The following CHST15 variants were observed in gnomAD, a reference collection of about 807,000 sequenced individuals.
CHST15 encodes B cell RAG associated protein (GALNAC4S-6ST).
CHST15 carries 30 observed loss-of-function variants against 53.6 expected under a neutral mutation model. The ratio of observed to expected loss-of-function variants is 0.56; its 90% CI spans 0.42 to 0.76. The LOEUF is 0.76. Among genes scored for constraint, CHST15 ranks in the 30% least tolerant of loss-of-function variants. CHST15 has a pLI of 0.00. For synonymous variants in CHST15, 296 were observed against 289.8 expected (o/e 1.02, Z -0.22); for missense variants, 627 against 740.5 (o/e 0.85, Z 1.78).
At position 124,044,926 on chromosome 10, in the gene CHST15, G is replaced by A; in HGVS notation, c.547-7C>T. On this transcript the variant is annotated splice_polypyrimidine_tract_variant and splice_region_variant and intron_variant, in intron 2 of 7. Transcript: ENST00000435907. ...TGGGGATGACTGAAAACATCTGCAA[G>A]GAAACAGAGGAGGAGAGACACAGAG... The A allele has an allele frequency of 7.0e-7, 1 of 1,434,302 alleles. No homozygotes were observed. Among genetic ancestry groups the A allele is most frequent in the Non-Finnish European group, 9.2e-7 (1 of 1,089,156 alleles). 88.8% of individuals were successfully genotyped at this position (1,434,302 alleles called of 1,614,324 possible). A position where few individuals can be genotyped will look rare whatever the true frequency, so the allele number is the denominator to read the frequency against.
intron 1 of CHST15, among the ~76,000 whole-genome samples, chr10:124,066,274 G>C (rs546258790): frequency 5.9e-5 from 9 of 152,150 alleles, no homozygotes; most frequent in Non-Finnish European, 1.3e-4. Flanking sequence ...GGGGAAGGGG[G>C]AGGAGGCTGA....
In CHST15 at chr10:124,019,244, G is replaced by A. The variant is rs758989802; in HGVS notation, c.1347+2012C>T. ...AGAAACCACAACCCCACCTTGAGGC[G>A]TCATGCCAGCGCCCCTTTCCTCCTG... On this transcript the variant is annotated intron_variant, in intron 6 of 7. Transcript: ENST00000435907. The surrounding 1 kb of genome is among the most constrained non-coding windows in gnomAD (Gnocchi z 4.6). Among the ~76,000 whole-genome samples the A allele has an allele frequency of 6.6e-5, 10 of 152,196 alleles. No individual in the cohort carries two copies. The East Asian group carries it at 7.7e-4, about 12-fold the overall frequency.
chr10:124,058,465 A>G (rs2134083863), intron 1 of CHST15, among the ~76,000 whole-genome samples: 1 of 152,344 alleles, frequency 6.6e-6, no homozygotes, highest in South Asian at 2.1e-4. Context: ...CCTGAGTCAC[A>G]GGACTCACCA....
chr10:124,063,256 A>G (rs1277235113), intron 1 of CHST15, among the ~76,000 whole-genome samples: 3 of 151,894 alleles, frequency 2.0e-5, no homozygotes, highest in African/African-American at 7.3e-5. Flanking sequence ...GGTGGCAGGC[A>G]CCTGTAATCC....
At chr10:124,073,999 G>C (rs1402051035) in intron 1 of CHST15, among the ~76,000 whole-genome samples, 3 of 152,132 alleles carry the variant, frequency 2.0e-5, no homozygotes, top group African/African-American at 4.8e-5. Context: ...GCAACCTACG[G>C]GCTAGGCACA....
chr10:124,012,826 T>C (rs1453665757), intron 6 of CHST15, among the ~76,000 whole-genome samples: 1 of 152,178 alleles, frequency 6.6e-6, no homozygotes, highest in African/African-American at 2.4e-5. Context: ...GCTGTTTCTC[T>C]GTTCCCAGTG....
rs566216724 is a variant in CHST15 at position 124,063,243 on chromosome 10, C to T, written c.-512-16519G>A. On this transcript the variant is annotated intron_variant, in intron 1 of 7. Transcript: ENST00000435907. Reference sequence around the variant, plus strand: ...ACTAAAAATACAAAAATTAGCCGGGCGTGGTGGCAGGCACCTGTAATCCCA... The same window carrying T: ...ACTAAAAATACAAAAATTAGCCGGGTGTGGTGGCAGGCACCTGTAATCCCA... Among the ~76,000 whole-genome samples, 5 of 152,152 alleles carry T rather than the reference C, an allele frequency of 3.3e-5. No homozygotes were observed. The South Asian group carries it at 8.3e-4, about 25-fold the overall frequency.
chr10:124,016,790 A>C (rs1390251564), intron 6 of CHST15, among the ~76,000 whole-genome samples: 1 of 152,150 alleles, frequency 6.6e-6, no homozygotes, highest in African/African-American at 2.4e-5. Flanking sequence ...AGGGCTTGGG[A>C]CAGGGGCTGG....
intron 5 of CHST15, among the ~76,000 whole-genome samples, chr10:124,034,847 C>CCCCTAACAGGGACCCTGGCTCTACT (rs1317414784): frequency 1.4e-5 from 2 of 143,634 alleles, no homozygotes; most frequent in Non-Finnish European, 3.0e-5. Flanking sequence ...CCTGGTTCTA[C>CCCCTAACAGGGACCCTGGCTCTACT]CCCTAACAGG....
rs527604953 is a variant in CHST15 at position 124,043,465 on chromosome 10, C to T, written c.887-1018G>A. Among the ~76,000 whole-genome samples the T allele has an allele frequency of 3.3e-5, 5 of 152,346 alleles. No individual in the cohort carries two copies. In the South Asian group the frequency reaches 6.2e-4, roughly 19 times the overall value. ...GAAAGCAAACGTTTGTCAGGAAACA[C>T]ATTAAGAGTTGGTCTAGGGAAAACT... On this transcript the variant is annotated intron_variant, in intron 3 of 7. Transcript: ENST00000435907.
intron 6 of CHST15, chr10:124,020,242 A>G: frequency 1.0e-6 from 1 of 985,520 alleles, no homozygotes; most frequent in Non-Finnish European, 1.2e-6. Context: ...AAAGCAACTG[A>G]GTCTCAGAAA....
chr10:124,042,541 C>T, intron 3 of CHST15, 94 bp from the exon 4 acceptor site: 1 of 1,410,520 alleles, frequency 7.1e-7, no homozygotes, highest in Non-Finnish European at 9.7e-7. Context: ...GATGGAAAGG[C>T]CTAAAGGGCC....
In CHST15 at chr10:124,008,229, G is replaced by A. The variant is rs1946320907; in HGVS notation, c.*1920C>T. On this transcript the variant is annotated 3_prime_UTR_variant, in exon 8 of 8. Transcript: ENST00000435907. ...GAATAGTAAAATATGTACTGAAAAT[G>A]ACAAGTTAATTGGCAGAGAAATTAA... 2 of 1,221,424 alleles carry A rather than the reference G, an allele frequency of 1.6e-6. No homozygotes were observed. Among genetic ancestry groups the A allele is most frequent in the South Asian group, 8.5e-5 (2 of 23,410 alleles). 75.7% of individuals were successfully genotyped at this position (1,221,424 alleles called of 1,614,324 possible). A position where few individuals can be genotyped will look rare whatever the true frequency, so the allele number is the denominator to read the frequency against.
Position 124,042,314 on chromosome 10 carries a change from A to C in CHST15, c.1020T>G (p.Asn340Lys), listed in dbSNP as rs1311546649. ...ASSAKEQSKM[N>K]TIIIGEASAS... Reference sequence around the variant, plus strand: ...CAGACGCCTTACCGATAATGATTGTATTCATCTTGCTCTGCTCCTTTGCAG... The same window carrying C: ...CAGACGCCTTACCGATAATGATTGTCTTCATCTTGCTCTGCTCCTTTGCAG... The change falls in exon 4 of 8, where the codon AAT (asparagine) becomes AAG (lysine). Residue 340 changes from asparagine to lysine, a missense_variant. Around this residue, in one of 3 missense-constraint regions of CHST15, gnomAD observed 279 missense variants for 371.6 expected, o/e 0.75. Coordinates refer to ENST00000435907, the MANE Select transcript of CHST15 (RefSeq NM_001270764.2). 6.2e-7 allele frequency: 1 copy of C among 1,612,392 alleles called. No individual in the cohort carries two copies. The highest frequency in any genetic ancestry group is 8.5e-7 in the Non-Finnish European group (1 of 1,178,596).
rs550560103 is a variant in CHST15 at position 124,036,865 on chromosome 10, G to A, written c.1190+1650C>T. Among the ~76,000 whole-genome samples the A allele has an allele frequency of 2.7e-4, 41 of 152,300 alleles. No individual in the cohort carries two copies. Among genetic ancestry groups the A allele is most frequent in the African/African-American group, 7.5e-4 (31 of 41,572 alleles). On this transcript the variant is annotated intron_variant, in intron 5 of 7. Coordinates refer to ENST00000435907, the MANE Select transcript of CHST15 (RefSeq NM_001270764.2). The surrounding 1 kb of genome is among the most constrained non-coding windows in gnomAD (Gnocchi z 5.1). Reference sequence around the variant, plus strand: ...CAGGAAGGTATGCCACCTGAAGAAGGGGTCCCAGGGGTCAGTTTCCCGGGG... The same window carrying A: ...CAGGAAGGTATGCCACCTGAAGAAGAGGTCCCAGGGGTCAGTTTCCCGGGG...
chr10:124,045,612 A>C, intron 2 of CHST15, 55 bp downstream of exon 2: 2 of 1,461,584 alleles, frequency 1.4e-6, no homozygotes, highest in South Asian at 2.8e-5. Flanking sequence ...TAGAAAGAAA[A>C]GCACTCATTT....
At chr10:124,033,959 A>G (rs1947323576) in intron 5 of CHST15, among the ~76,000 whole-genome samples, 1 of 152,252 alleles carries the variant, frequency 6.6e-6, no homozygotes, top group East Asian at 1.9e-4. Context: ...ACTAATTAGT[A>G]CAGCAGGCAA....
chr10:124,084,456 C>CT (rs1473846724), intron 1 of CHST15, among the ~76,000 whole-genome samples: 1 of 151,096 alleles, frequency 6.6e-6, no homozygotes, highest in Non-Finnish European at 1.5e-5. Context: ...TAGGAACAAG[C>CT]TCCCCCATAC....
chr10:124,016,680 C>G (rs898334056), intron 6 of CHST15, among the ~76,000 whole-genome samples: 1 of 152,156 alleles, frequency 6.6e-6, no homozygotes, highest in African/African-American at 2.4e-5. Flanking sequence ...CTGCCTGATA[C>G]CAGCTATGGA....
Sources: allele counts gnomAD v4.1 joint callset (sites outside exome capture counted in the v4.1 genomes callset), GRCh38; gene constraint gnomAD v4.1.1; regional missense constraint gnomAD v4.1.1; non-coding constraint Gnocchi (gnomAD v3.1); transcripts MANE v1.5; gene names NCBI Gene and HGNC (gene_info 2026-07-23, HGNC 2026-07-21).